RHBDD1: variants seen among roughly 807,000 people sequenced by gnomAD.
RHBDD1 encodes rhomboid domain containing 1.
Under a neutral mutation model 36.3 loss-of-function variants are expected in RHBDD1, and 38 were observed. The observed-to-expected ratio is 1.05, with a 90% confidence interval of 0.81 to 1.37. RHBDD1 has a LOEUF of 1.37. RHBDD1 is among the 40% of genes most tolerant of loss of function. The pLI, the probability that RHBDD1 is intolerant of heterozygous loss-of-function variation, is 0.00. For synonymous variants in RHBDD1, 151 were observed against 136.5 expected (o/e 1.11, Z -0.74); for missense variants, 393 against 377.6 (o/e 1.04, Z -0.34).
At chr2:226,939,879 A>G (rs1950559244) in intron 8 of RHBDD1, among the ~76,000 whole-genome samples, 1 of 152,202 alleles carries the variant, frequency 6.6e-6, no homozygotes, top group Non-Finnish European at 1.5e-5. Context: ...CTACAGGGCC[A>G]CAGTAACCAA....
intron 8 of RHBDD1, among the ~76,000 whole-genome samples, chr2:226,918,169 ATTTAT>A (rs975211784): frequency 6.6e-6 from 1 of 151,944 alleles, no homozygotes; most frequent in African/African-American, 2.4e-5. Context: ...ATCTCACTAC[ATTTAT>A]TTTTTTTAAT....
upstream of RHBDD1, among the ~76,000 whole-genome samples, chr2:226,833,649 T>C (rs1305721791): frequency 6.6e-6 from 1 of 152,252 alleles, no homozygotes; most frequent in Non-Finnish European, 1.5e-5. Context: ...CGTCTCATGA[T>C]TAAGATATAT....
chr2:226,830,875 G>A (rs1005126292), upstream of RHBDD1, among the ~76,000 whole-genome samples: 1 of 152,116 alleles, frequency 6.6e-6, no homozygotes, highest in African/African-American at 2.4e-5. Context: ...TCACCATCTT[G>A]CCCAAGCTGG....
chr2:226,866,080 AT>A (rs914586031), intron 4 of RHBDD1, among the ~76,000 whole-genome samples: 1 of 137,380 alleles, frequency 7.3e-6, no homozygotes, highest in South Asian at 2.5e-4. Flanking sequence ...TTATTTATTT[AT>A]TTTTTTTGAG....
intron 1 of RHBDD1, among the ~76,000 whole-genome samples, chr2:226,836,430 G>T (rs1032811310): frequency 6.6e-5 from 10 of 152,260 alleles, no homozygotes; most frequent in Admixed American, 6.5e-4. Flanking sequence ...AAAGCAGGAA[G>T]TTTGAAGTGA....
chr2:226,815,573 C>T, the RHBDD1 span, among the ~76,000 whole-genome samples: 2,742 of 152,180 alleles, frequency 0.018, 77 homozygotes, highest in African/African-American at 0.062. Flanking sequence ...TTAATTGAAG[C>T]ATATCAAAGT....
chr2:226,884,529 A>G (rs1380937848), intron 5 of RHBDD1, among the ~76,000 whole-genome samples: 2 of 152,142 alleles, frequency 1.3e-5, no homozygotes, highest in Non-Finnish European at 2.9e-5. Flanking sequence ...TTTTGTAGTC[A>G]TTTATAACAC....
At chr2:226,922,060 T>A (rs1413051752) in intron 8 of RHBDD1, among the ~76,000 whole-genome samples, 1 of 152,136 alleles carries the variant, frequency 6.6e-6, no homozygotes, top group Non-Finnish European at 1.5e-5. Flanking sequence ...ATCCTCTTAC[T>A]GAATTGACTG....
chr2:226,923,900 G>T (rs1270480480), intron 8 of RHBDD1, among the ~76,000 whole-genome samples: 1 of 152,062 alleles, frequency 6.6e-6, no homozygotes, highest in African/African-American at 2.4e-5. Context: ...TCCCTTCAGG[G>T]AAGTGGGGTC....
At chr2:226,945,608 C>T (rs113113570) in intron 8 of RHBDD1, among the ~76,000 whole-genome samples, 74 of 152,088 alleles carry the variant, frequency 4.9e-4, no homozygotes, top group Non-Finnish European at 8.1e-4. Flanking sequence ...TGAGTAGTGC[C>T]GCGGTAAACA....
intron 3 of RHBDD1, among the ~76,000 whole-genome samples, chr2:226,860,779 C>G (rs984884753): frequency 6.6e-6 from 1 of 152,176 alleles, no homozygotes; most frequent in African/African-American, 2.4e-5. Context: ...AAAGGTGGAG[C>G]CCAAAAGACG....
At chr2:226,819,677 C>T in the RHBDD1 span, among the ~76,000 whole-genome samples, 2 of 152,300 alleles carry the variant, frequency 1.3e-5, no homozygotes, top group South Asian at 4.1e-4. Context: ...TGAAATAAAT[C>T]TGAGGTGCTT....
intron 3 of RHBDD1, among the ~76,000 whole-genome samples, chr2:226,844,114 T>C (rs1941958457): frequency 6.6e-6 from 1 of 152,220 alleles, no homozygotes; most frequent in South Asian, 2.1e-4. Flanking sequence ...TTGGTAGATC[T>C]GGAAAACTCT....
chr2:226,937,036 A>G (rs1559290909), intron 8 of RHBDD1, among the ~76,000 whole-genome samples: 1 of 152,176 alleles, frequency 6.6e-6, no homozygotes. Context: ...GAAGTTGATT[A>G]TAATACAGTG....
At chr2:226,981,280 G>A (rs2149434714) in intron 8 of RHBDD1, among the ~76,000 whole-genome samples, 1 of 152,238 alleles carries the variant, frequency 6.6e-6, no homozygotes, top group East Asian at 1.9e-4. Flanking sequence ...CCGAGTTGAT[G>A]GGTGCAGCGG....
In RHBDD1 at chr2:226,998,275, T is replaced by A. The variant is rs1959985384; in HGVS notation, c.*2753T>A. On this transcript the variant is annotated 3_prime_UTR_variant, in exon 9 of 9. Transcript: ENST00000392062. ...TCCTCCATCCTTTTAAATTGCCTGC[T>A]GCAGTAAATAACTAGTTTGAGTAGA... The A allele has an allele frequency of 1.3e-5, 2 of 152,246 alleles. No homozygotes were observed. Among genetic ancestry groups the A allele is most frequent in the African/African-American group, 4.8e-5 (2 of 41,466 alleles). The allele number at this position is 152,246 out of a possible 1,614,324, so 9.4% of individuals were successfully genotyped here. A position where few individuals can be genotyped will look rare whatever the true frequency, so the allele number is the denominator to read the frequency against.
chr2:226,900,523 C>G (rs1947498824), intron 5 of RHBDD1, among the ~76,000 whole-genome samples: 1 of 151,940 alleles, frequency 6.6e-6, no homozygotes, highest in Non-Finnish European at 1.5e-5. Flanking sequence ...AGAAATAAAG[C>G]TTTTAAGTTA....
chr2:226,985,780 C>G (rs1362477161), intron 8 of RHBDD1, among the ~76,000 whole-genome samples: 1 of 152,210 alleles, frequency 6.6e-6, no homozygotes, highest in Non-Finnish European at 1.5e-5. Context: ...GGTGCAGAAC[C>G]CAGCAAGGTT....
At chr2:226,977,544 T>C (rs1954826580) in intron 8 of RHBDD1, among the ~76,000 whole-genome samples, 2 of 152,214 alleles carry the variant, frequency 1.3e-5, no homozygotes, top group Admixed American at 1.3e-4. Flanking sequence ...ATTTGTAGCC[T>C]GCCCCAGGAG....
Sources: allele counts gnomAD v4.1 joint callset (sites outside exome capture counted in the v4.1 genomes callset), GRCh38; gene constraint gnomAD v4.1.1; transcripts MANE v1.5; gene names NCBI Gene and HGNC (gene_info 2026-07-23, HGNC 2026-07-21).